Variants in TMC1 observed in about 807,000 individuals in gnomAD.
TMC1 encodes transmembrane channel-like protein 1.
A neutral mutation model predicts 105.8 loss-of-function variants in TMC1; 84 were observed. The ratio of observed to expected loss-of-function variants is 0.79; its 90% CI spans 0.67 to 0.95. The LOEUF is 0.95. TMC1 is among the 40% of genes least tolerant of loss of function. The pLI is 0.00. For synonymous variants in TMC1, 315 were observed against 311.5 expected, an observed-to-expected ratio of 1.01 and a Z score of -0.12; for missense variants, 817 against 914.1, an observed-to-expected ratio of 0.89 and a Z score of 1.37.
Position 72,688,767 on chromosome 9 carries a change from A to T in TMC1, c.64+11A>T, listed in dbSNP as rs762858152. ...CTGAGGAAAGCTCAAGTAAGTGGTG[A>T]TGGGCCACTTGGGATACATTTCCTA... On this transcript the variant is annotated intron_variant, in intron 6 of 23. Transcript: ENST00000297784. 1.2e-5 allele frequency: 19 copies of T among 1,605,722 alleles called. No homozygotes were observed. The highest frequency in any genetic ancestry group is 3.3e-4 in the Middle Eastern group (2 of 6,064).
At chr9:72,716,332 CT>C (rs1270147528) in intron 8 of TMC1, among the ~76,000 whole-genome samples, 3 of 152,208 alleles carry the variant, frequency 2.0e-5, no homozygotes, top group Non-Finnish European at 4.4e-5. Context: ...CCACACAGGG[CT>C]GTTTAAGTCT....
In TMC1 at chr9:72,563,899, C is replaced by CAAAA. The variant is rs71357586; in HGVS notation, c.-427-13982_-427-13979dup. 2.9e-3 allele frequency among the ~76,000 whole-genome samples: 149 copies of CAAAA among 51,592 alleles called. 2 individuals carry two copies. The highest frequency in any genetic ancestry group is 7.1e-3 in the African/African-American group (87 of 12,290). 33.8% of individuals were successfully genotyped at this position (51,592 alleles called of 152,430 possible). ...GGACAACAGGAGCAAAACTCTGGCTCAAAAAAAAAAAAAAAAAAAAAAAAG... is the reference window on the plus strand; with the variant it reads ...GGACAACAGGAGCAAAACTCTGGCTCAAAAAAAAAAAAAAAAAAAAAAAAAAAAG... On this transcript the variant is annotated intron_variant, in intron 1 of 23. Transcript: ENST00000297784.
chr9:72,786,555 T>C (rs1259823295), intron 13 of TMC1, among the ~76,000 whole-genome samples: 1 of 152,228 alleles, frequency 6.6e-6, no homozygotes, highest in African/African-American at 2.4e-5. Flanking sequence ...AAATGATGTA[T>C]TGAGATTGCT....
chr9:72,751,857 T>G lies in TMC1; in HGVS notation c.543T>G (p.Phe181Leu), dbSNP rs989635871. 47 of 1,606,906 alleles carry G rather than the reference T, an allele frequency of 2.9e-5. No individual in the cohort carries two copies. Among genetic ancestry groups the G allele is most frequent in the Non-Finnish European group, 4.0e-5 (47 of 1,173,682 alleles). Reference protein sequence around the residue: ...ENKIKAIESQFGSSVASYFLF... With the variant: ...ENKIKAIESQLGSSVASYFLF... ...TTATTTTCTTTGTAATAGGTCAGTT[T>G]GGCTCCTCAGTGGCCTCATACTTCC... The change falls in exon 11 of 24, where the codon TTT becomes TTG. Residue 181 changes from phenylalanine (F) to leucine (L), a missense_variant. Transcript: ENST00000297784.
intron 1 of TMC1, among the ~76,000 whole-genome samples, chr9:72,569,707 G>A (rs1824236561): frequency 6.6e-6 from 1 of 152,174 alleles, no homozygotes; most frequent in Admixed American, 6.5e-5. Flanking sequence ...GAGGTAGGCA[G>A]GAGGAGCTCC....
At chr9:72,806,883 A>G (rs1423319043) in intron 18 of TMC1, among the ~76,000 whole-genome samples, 1 of 152,212 alleles carries the variant, frequency 6.6e-6, no homozygotes, top group Non-Finnish European at 1.5e-5. Flanking sequence ...AGAGGCTGCA[A>G]TCTCGGCACT....
chr9:72,806,322 T>C (rs1281682974), intron 18 of TMC1, among the ~76,000 whole-genome samples: 45 of 126,068 alleles, frequency 3.6e-4, no homozygotes, highest in Non-Finnish European at 5.8e-4. Context: ...CCTCACCTCC[T>C]GGACGGGGCG....
At chr9:72,816,101 C>T in intron 18 of TMC1, 42 bp from the exon 19 acceptor site, 4 of 1,590,196 alleles carry the variant, frequency 2.5e-6, no homozygotes, top group Non-Finnish European at 3.5e-6. Context: ...TCAGTTTTGA[C>T]CATGTGAGAC....
intron 9 of TMC1, chr9:72,741,095 C>G (rs1289202700): frequency 1.9e-5 from 3 of 157,012 alleles, no homozygotes; most frequent in African/African-American, 7.4e-5. Context: ...TGGGCTGTTT[C>G]TAGTTATGAG....
In TMC1 at chr9:72,694,813, T is replaced by G. The variant is rs1826522142; in HGVS notation, c.236+99T>G. The G allele has an allele frequency of 5.8e-6, 7 of 1,201,998 alleles. No individual in the cohort carries two copies. In the South Asian group the frequency reaches 9.6e-5, roughly 16 times the overall value. 74.5% of individuals were successfully genotyped at this position (1,201,998 alleles called of 1,614,324 possible). ...TTAAAATTGGTAATTAAAGCTACTT[T>G]TAGAAAGAGAGCCTTAATCTGATGA... On this transcript the variant is annotated intron_variant, in intron 7 of 23. Coordinates refer to ENST00000297784, the MANE Select transcript of TMC1 (RefSeq NM_138691.3).
chr9:72,555,956 C>T (rs1034191533), intron 1 of TMC1, among the ~76,000 whole-genome samples: 15 of 81,566 alleles, frequency 1.8e-4, no homozygotes, highest in Non-Finnish European at 3.2e-4. Context: ...CCCAGGAAAA[C>T]CAATCTATGA....
chr9:72,599,562 A>G (rs540253297), intron 2 of TMC1, among the ~76,000 whole-genome samples: 1 of 152,254 alleles, frequency 6.6e-6, no homozygotes, highest in East Asian at 1.9e-4. Flanking sequence ...ACAGATTTTC[A>G]TATCTCTCTA....
chr9:72,655,986 G>T, intron 5 of TMC1: 1 of 780,488 alleles, frequency 1.3e-6, no homozygotes, highest in Non-Finnish European at 2.3e-6. Flanking sequence ...TTCACCACAT[G>T]GAGTTTTTTC....
intron 1 of TMC1, among the ~76,000 whole-genome samples, chr9:72,561,914 G>A (rs1824058526): frequency 1.3e-5 from 2 of 151,996 alleles, no homozygotes; most frequent in South Asian, 2.1e-4. Flanking sequence ...AAGCTGAGGC[G>A]GGAGGATCGC....
At chr9:72,583,489 T>C (rs1260177391) in intron 2 of TMC1, among the ~76,000 whole-genome samples, 1 of 152,178 alleles carries the variant, frequency 6.6e-6, no homozygotes, top group Middle Eastern at 3.2e-3. Flanking sequence ...AACAAAAAAA[T>C]TGTGCACCAA....
rs1392285598 is a variant in TMC1, at chr9:72,552,640, A to G, written c.-427-25262A>G. ...GCATTAATCAGATTAGGATTAGCTA[A>G]AATTTTAATTAAAGAACCAGAGAGT... is the stretch of plus-strand genomic sequence containing the variant. On this transcript the variant is annotated intron_variant, in intron 1 of 23. Coordinates refer to ENST00000297784, the MANE Select transcript of TMC1 (RefSeq NM_138691.3). Among the ~76,000 whole-genome samples, 3 of 152,326 alleles carry G rather than the reference A, an allele frequency of 2.0e-5. No individual in the cohort carries two copies. The East Asian group carries it at 5.8e-4, about 29-fold the overall frequency.
chr9:72,806,719 A>G (rs1323917887), intron 18 of TMC1, among the ~76,000 whole-genome samples: 2 of 150,582 alleles, frequency 1.3e-5, no homozygotes, highest in African/African-American at 2.5e-5. Flanking sequence ...GGCCGGGAAG[A>G]GGTGCTCCTC....
chr9:72,827,325 C>G (rs766350342), intron 21 of TMC1, among the ~76,000 whole-genome samples: 1 of 152,194 alleles, frequency 6.6e-6, no homozygotes, highest in Non-Finnish European at 1.5e-5. Flanking sequence ...GAGCTTCCCC[C>G]CAACAACCCG....
chr9:72,664,294 G>A (rs1434759848), intron 5 of TMC1, among the ~76,000 whole-genome samples: 3 of 152,224 alleles, frequency 2.0e-5, no homozygotes, highest in East Asian at 3.9e-4. Flanking sequence ...ACAAACATAT[G>A]AGTAATGTGT....
Sources: gnomAD v4.1 joint callset for allele counts (sites outside exome capture counted in the v4.1 genomes callset) on GRCh38, gnomAD v4.1.1 for gene constraint, MANE v1.5 for transcripts, NCBI Gene and HGNC (gene_info 2026-07-23, HGNC 2026-07-21) for gene names.